Variants in TBC1D22B observed in about 807,000 individuals in gnomAD.
The protein encoded by TBC1D22B is chromosome 6 open reading frame 197.
Under a neutral mutation model 69.1 loss-of-function variants are expected in TBC1D22B, and 32 were observed. The ratio of observed to expected loss-of-function variants is 0.46; its 90% CI spans 0.35 to 0.62. The LOEUF (loss-of-function observed/expected upper bound fraction) is 0.62, where lower values mean the gene tolerates loss of function less well. Among genes scored for constraint, TBC1D22B ranks in the 20% least tolerant of loss-of-function variants. TBC1D22B has a pLI of 0.00. For synonymous variants in TBC1D22B, 206 were observed against 229.8 expected, an observed-to-expected ratio of 0.90 and a Z score of 0.94; for missense variants, 462 against 630.9, an observed-to-expected ratio of 0.73 and a Z score of 2.87.
chr6:37,330,982 G>A, intron 12 of TBC1D22B, 62 bp from the exon 13 acceptor site: 1 of 1,594,630 alleles, frequency 6.3e-7, no homozygotes. Flanking sequence ...CTCTAAGAAT[G>A]GGTTCACTTG....
chr6:37,297,181 G>A (rs1011867338), intron 8 of TBC1D22B, among the ~76,000 whole-genome samples: 7 of 152,164 alleles, frequency 4.6e-5, no homozygotes, highest in African/African-American at 1.7e-4. Flanking sequence ...CTAAAAAATA[G>A]TAATAGCTCC....
At chr6:37,266,795 G>A (rs1766287338) in intron 1 of TBC1D22B, among the ~76,000 whole-genome samples, 1 of 151,974 alleles carries the variant, frequency 6.6e-6, no homozygotes, top group Non-Finnish European at 1.5e-5. Flanking sequence ...AAGATATACT[G>A]TAATTTATTT....
intron 1 of TBC1D22B, among the ~76,000 whole-genome samples, chr6:37,268,063 C>T (rs1464333448): frequency 2.6e-5 from 4 of 152,170 alleles, no homozygotes; most frequent in African/African-American, 9.7e-5. Context: ...ATGGTTTCTC[C>T]ATCTCATGAT....
At chr6:37,318,371 G>A (rs909139713) in intron 12 of TBC1D22B, among the ~76,000 whole-genome samples, 3 of 152,200 alleles carry the variant, frequency 2.0e-5, no homozygotes, top group Admixed American at 2.0e-4. Flanking sequence ...TTATGGAGAA[G>A]GCTACAGTGG....
chr6:37,264,059 T>G (rs1766193703), intron 1 of TBC1D22B, among the ~76,000 whole-genome samples: 1 of 151,628 alleles, frequency 6.6e-6, no homozygotes, highest in Non-Finnish European at 1.5e-5. Context: ...TTTTTTAACT[T>G]GTGTTGGAGA....
intron 3 of TBC1D22B, among the ~76,000 whole-genome samples, chr6:37,280,023 A>G (rs1267179264): frequency 1.3e-5 from 2 of 152,198 alleles, no homozygotes; most frequent in African/African-American, 2.4e-5. Context: ...TGACTTTCTC[A>G]GCCCTAGGGA....
At chr6:37,308,898 C>T (rs1241207890) in intron 8 of TBC1D22B, among the ~76,000 whole-genome samples, 3 of 150,660 alleles carry the variant, frequency 2.0e-5, no homozygotes, top group African/African-American at 7.4e-5. Context: ...CACTTAAGCC[C>T]AGGAGTTCAA....
At chr6:37,286,958 C>CAAAAAA in intron 6 of TBC1D22B, 49 bp from the exon 7 acceptor site, 1 of 1,516,588 alleles carries the variant, frequency 6.6e-7, no homozygotes, top group African/African-American at 1.4e-5. Flanking sequence ...AAAACAAAAA[C>CAAAAAA]AAAAAAAAAC....
At chr6:37,326,294 C>T (rs374845132) in intron 12 of TBC1D22B, among the ~76,000 whole-genome samples, 17 of 148,554 alleles carry the variant, frequency 1.1e-4, no homozygotes, top group East Asian at 4.0e-4. Context: ...GCAGGAGAAT[C>T]GCTTGAACCT....
intron 3 of TBC1D22B, 30 bp from the exon 4 acceptor site, chr6:37,282,155 C>T: frequency 6.2e-7 from 1 of 1,611,536 alleles, no homozygotes; most frequent in Non-Finnish European, 8.5e-7. Context: ...CTCACACAGC[C>T]CGTTCTCTTT....
chr6:37,281,583 C>T lies in TBC1D22B; in HGVS notation c.422-602C>T, dbSNP rs80123559. 2.2e-3 allele frequency among the ~76,000 whole-genome samples: 335 copies of T among 152,322 alleles called. 1 individual carries two copies. The highest frequency in any genetic ancestry group is 3.9e-3 in the East Asian group (20 of 5,176). Reference sequence around the variant, plus strand: ...CAGGGCACACTGGTGGGCCAAGAACCGGGTACAGGATGTGCGGGGATATTG... The same window carrying T: ...CAGGGCACACTGGTGGGCCAAGAACTGGGTACAGGATGTGCGGGGATATTG... On this transcript the variant is annotated intron_variant, in intron 3 of 12. Coordinates refer to ENST00000373491, the MANE Select transcript of TBC1D22B (RefSeq NM_017772.4).
intron 2 of TBC1D22B, among the ~76,000 whole-genome samples, chr6:37,276,702 G>A (rs1421855234): frequency 1.3e-5 from 2 of 152,072 alleles, no homozygotes; most frequent in Non-Finnish European, 2.9e-5. Flanking sequence ...AGGCCGAGGA[G>A]GGCAGATCAC....
intron 8 of TBC1D22B, among the ~76,000 whole-genome samples, chr6:37,299,558 C>T (rs1767499590): frequency 6.6e-6 from 1 of 152,254 alleles, no homozygotes; most frequent in South Asian, 2.1e-4. Context: ...TAGACATGGG[C>T]CTGCCCTTGT....
intron 12 of TBC1D22B, among the ~76,000 whole-genome samples, chr6:37,320,878 G>A (rs139161162): frequency 2.0e-5 from 3 of 152,266 alleles, no homozygotes; most frequent in Non-Finnish European, 4.4e-5. Context: ...AGCTTGAAAT[G>A]CGAGCTGCCA....
chr6:37,285,780 A>G (rs1766988546), intron 6 of TBC1D22B, among the ~76,000 whole-genome samples: 1 of 152,030 alleles, frequency 6.6e-6, no homozygotes, highest in African/African-American at 2.4e-5. Flanking sequence ...GGTATGAGCC[A>G]CCATGTAATT....
chr6:37,275,309 A>G (rs1766634708), intron 2 of TBC1D22B, among the ~76,000 whole-genome samples: 1 of 152,134 alleles, frequency 6.6e-6, no homozygotes, highest in Admixed American at 6.5e-5. Flanking sequence ...TATGTGTGTC[A>G]GACCTAAGTC....
At chr6:37,326,803 A>G (rs36107213) in intron 12 of TBC1D22B, among the ~76,000 whole-genome samples, 4,925 of 152,296 alleles carry the variant, frequency 0.032, 98 homozygotes, top group Non-Finnish European at 0.053. Flanking sequence ...AAAACAGAAA[A>G]AGAAATCTTA....
At chr6:37,259,798 T>G (rs950037599) in intron 1 of TBC1D22B, among the ~76,000 whole-genome samples, 1 of 152,204 alleles carries the variant, frequency 6.6e-6, no homozygotes, top group African/African-American at 2.4e-5. Flanking sequence ...TTTCCTTACC[T>G]ATGAAATGAG....
At chr6:37,262,467 G>A (rs1164325316) in intron 1 of TBC1D22B, among the ~76,000 whole-genome samples, 1 of 152,228 alleles carries the variant, frequency 6.6e-6, no homozygotes, top group Admixed American at 6.5e-5. Flanking sequence ...ACAGGCATGA[G>A]CCTCTGCGTC....
Sources: gnomAD v4.1 joint callset for allele counts (sites outside exome capture counted in the v4.1 genomes callset) on GRCh38, gnomAD v4.1.1 for gene constraint, MANE v1.5 for transcripts, NCBI Gene and HGNC (gene_info 2026-07-23, HGNC 2026-07-21) for gene names.